Variants in NLRP7 observed in about 807,000 individuals in gnomAD.
The protein encoded by NLRP7 is NACHT, LRR and PYD domains-containing protein 7.
NLRP7 carries 72 observed loss-of-function variants against 85.5 expected under a neutral mutation model. That is an observed-to-expected ratio of 0.84 (90% CI 0.70 to 1.02). The LOEUF (loss-of-function observed/expected upper bound fraction) is 1.02. Among genes scored for constraint, NLRP7 ranks in the 50% least tolerant of loss-of-function variants. The pLI is 0.00. For synonymous variants in NLRP7, 550 were observed against 505.2 expected (o/e 1.09, Z -1.19); for missense variants, 1,243 against 1,219.5 (o/e 1.02, Z -0.29).
intron 1 of NLRP7, among the ~76,000 whole-genome samples, chr19:54,944,146 T>A (rs926206343): frequency 6.6e-6 from 1 of 151,788 alleles, no homozygotes; most frequent in Non-Finnish European, 1.5e-5. Flanking sequence ...CCGACACCCG[T>A]AAAGGGTCTG....
At chr19:54,962,805 T>C (rs1320813461) in intron 1 of NLRP7, among the ~76,000 whole-genome samples, 3 of 150,062 alleles carry the variant, frequency 2.0e-5, no homozygotes, top group South Asian at 4.3e-4. Flanking sequence ...TTCACCGTGT[T>C]AGCCAGGATG....
chr19:54,940,332 G>A (rs1387962214), exon 4 of NLRP7: 4 of 1,614,214 alleles, frequency 2.5e-6, no homozygotes, highest in African/African-American at 1.3e-5. Flanking sequence ...GGTGTTCTGG[G>A]ATTCAAGAAT....
At chr19:54,925,561 T>C (rs1424937377) in intron 9 of NLRP7, among the ~76,000 whole-genome samples, 1 of 152,162 alleles carries the variant, frequency 6.6e-6, no homozygotes, top group Non-Finnish European at 1.5e-5. Flanking sequence ...ATCCGGGTAC[T>C]TTGTGAGGCC....
intron 1 of NLRP7, 128 bp downstream of exon 1, chr19:54,947,341 C>A: frequency 3.2e-6 from 2 of 627,334 alleles, no homozygotes; most frequent in Non-Finnish European, 2.4e-6. Flanking sequence ...AAAAAAAAAT[C>A]AAAGATCCTT....
chr19:54,947,132 C>G (rs1184249542), intron 1 of NLRP7, among the ~76,000 whole-genome samples: 1 of 152,030 alleles, frequency 6.6e-6, no homozygotes, highest in Admixed American at 6.6e-5. Flanking sequence ...CAAGACCAGC[C>G]TGGCCAACAT....
Position 54,938,079 on chromosome 19 carries a change from G to A in NLRP7, c.2094C>T (p.His698=), listed in dbSNP as rs104895524. ...GCAGATGACAGGTGCTACGGGTTAC[G>A]TGGTCACAAAGAATCCGCACAGAAG... The change falls in exon 5 of 10, where the codon CAC becomes CAT. Residue 698 remains histidine, a synonymous_variant. Transcript: ENST00000340844. The A allele has an allele frequency of 1.8e-3, 2,971 of 1,614,014 alleles. 17 individuals carry two copies. The Middle Eastern group carries it at 0.023, about 12-fold the overall frequency.
At chr19:54,956,610 C>T (rs1463210983) in intron 1 of NLRP7, among the ~76,000 whole-genome samples, 4 of 151,424 alleles carry the variant, frequency 2.6e-5, no homozygotes, top group Admixed American at 2.6e-4. Flanking sequence ...AGGAGAATCA[C>T]TTGAACCCGG....
chr19:54,943,802 C>A (rs1416264511), intron 1 of NLRP7, among the ~76,000 whole-genome samples: 1 of 152,064 alleles, frequency 6.6e-6, no homozygotes, highest in Non-Finnish European at 1.5e-5. Flanking sequence ...ACATAAGAGA[C>A]TCCATTTTGT....
intron 1 of NLRP7, among the ~76,000 whole-genome samples, chr19:54,962,737 C>T (rs977567242): frequency 3.1e-4 from 47 of 150,306 alleles, no homozygotes; most frequent in Non-Finnish European, 4.0e-4. Flanking sequence ...GTAGCTGGGA[C>T]TACAGGCGCC....
chr19:54,931,598 G>C (rs971151557), intron 8 of NLRP7, among the ~76,000 whole-genome samples: 1 of 151,834 alleles, frequency 6.6e-6, no homozygotes, highest in Non-Finnish European at 1.5e-5. Flanking sequence ...TGAGGCAGGA[G>C]AATCTCTTGA....
At position 54,934,005 on chromosome 19, in the gene NLRP7, C is replaced by T. The variant is rs986679997; in HGVS notation, c.2472-266G>A. On this transcript the variant is annotated intron_variant, in intron 7 of 9. Coordinates refer to ENST00000340844, the Ensembl canonical transcript of NLRP7. The surrounding 1 kb of genome is among the most constrained non-coding windows in gnomAD (Gnocchi z 6.7). ...TCGCCCAGGCTGGAGTGCAGTGGCG[C>T]GATCTCGGTTCACTGCCAATCGCCG... is the stretch of plus-strand genomic sequence containing the variant. 1.1e-4 allele frequency among the ~76,000 whole-genome samples: 17 copies of T among 152,288 alleles called. No homozygotes were observed. The highest frequency in any genetic ancestry group is 9.7e-4 in the East Asian group (5 of 5,164).
At position 54,953,882 on chromosome 19, in the gene NLRP7, C is replaced by CT. The variant is rs2069758947; in HGVS notation, c.-76-6378dup. On this transcript the variant is annotated intron_variant, in intron 1 of 2. Coordinates refer to the NLRP7 transcript ENST00000587103. ...ATTAGCTGGGCGTGGTGGCGGGCGC[C>CT]TGTAGTCCCAGCTACTCGGGAGGCT... Among the ~76,000 whole-genome samples, 5 of 151,774 alleles carry CT rather than the reference C, an allele frequency of 3.3e-5. No individual in the cohort carries two copies. In the South Asian group the frequency reaches 1.0e-3, roughly 32 times the overall value.
intron 5 of NLRP7, 95 bp downstream of exon 5, chr19:54,937,949 G>A: frequency 1.1e-6 from 1 of 870,542 alleles, no homozygotes; most frequent in Admixed American, 1.8e-5. Context: ...CAAATACATG[G>A]AGATGAAACA....
chr19:54,930,723 A>C, intron 8 of NLRP7, 57 bp from the exon 9 acceptor site: 1 of 1,476,840 alleles, frequency 6.8e-7, no homozygotes. Context: ...CGCCCTGTGA[A>C]GCAGTTATTT....
At chr19:54,962,853 C>T (rs2070106545) in intron 1 of NLRP7, among the ~76,000 whole-genome samples, 1 of 151,968 alleles carries the variant, frequency 6.6e-6, no homozygotes, top group Admixed American at 6.6e-5. Context: ...CCCGCCTCGG[C>T]CTCCCAAAGT....
At chr19:54,939,708 T>A (rs748263335) in exon 4 of NLRP7, 2 of 1,613,416 alleles carry the variant, frequency 1.2e-6, no homozygotes, top group Non-Finnish European at 1.7e-6. Context: ...TTCAGAGTCG[T>A]GCACACAATC....
At chr19:54,930,900 G>T (rs932426806) in intron 8 of NLRP7, among the ~76,000 whole-genome samples, 1 of 152,078 alleles carries the variant, frequency 6.6e-6, no homozygotes, top group African/African-American at 2.4e-5. Context: ...GTGCACGCCT[G>T]TAGTGCCAGC....
Position 54,934,723 on chromosome 19 carries a change from T to G in NLRP7, c.2301-64A>C, listed in dbSNP as rs1030940692. On this transcript the variant is annotated intron_variant, in intron 6 of 9. Transcript: ENST00000340844. The surrounding 1 kb of genome is among the most constrained non-coding windows in gnomAD (Gnocchi z 6.7). ...CAGAGTATACCCTATCAGCTTTTTT[T>G]TTTTGAGACAGAGTTTCACTCTGTT... 134 of 1,378,344 alleles carry G rather than the reference T, an allele frequency of 9.7e-5. 1 individual carries two copies. Among genetic ancestry groups the G allele is most frequent in the Middle Eastern group, 2.6e-4 (1 of 3,892 alleles). 85.4% of individuals were successfully genotyped at this position (1,378,344 alleles called of 1,614,324 possible).
chr19:54,959,495 C>T (rs1324552036), intron 1 of NLRP7, among the ~76,000 whole-genome samples: 2 of 151,096 alleles, frequency 1.3e-5, no homozygotes, highest in Admixed American at 6.6e-5. Context: ...CAATATGAGA[C>T]GGTTTCTCTC....
Sources: gnomAD v4.1 joint callset for allele counts (sites outside exome capture counted in the v4.1 genomes callset) on GRCh38, gnomAD v4.1.1 for gene constraint, Gnocchi (gnomAD v3.1) non-coding constraint, MANE v1.5 for transcripts, NCBI Gene and HGNC (gene_info 2026-07-23, HGNC 2026-07-21) for gene names.